The following GGA2 variants were observed in gnomAD, a reference collection of about 807,000 sequenced individuals.
GGA2 encodes the protein ADP-ribosylation factor-binding protein GGA2.
GGA2 carries 48 observed loss-of-function variants against 79.5 expected under a neutral mutation model. The observed-to-expected ratio is 0.60, with a 90% CI of 0.48 to 0.77. The LOEUF is 0.77. GGA2 is among the 30% of genes least tolerant of loss of function. The probability of loss-of-function intolerance (pLI) is 0.00; values close to 1 mark genes in which losing one functional copy is unlikely to be tolerated. For missense variants in GGA2, 770 were observed against 774.0 expected (o/e 0.99, Z 0.06); for synonymous variants, 317 against 302.0 (o/e 1.05, Z -0.51).
intron 5 of GGA2, 111 bp downstream of exon 5, chr16:23,491,566 T>C (rs1053388520): frequency 1.1e-4 from 88 of 801,734 alleles, no homozygotes; most frequent in African/African-American, 1.8e-5. Flanking sequence ...TCAGTGTCTA[T>C]GGTCCTACAT....
chr16:23,479,350 G>T (rs982154103), intron 11 of GGA2, among the ~76,000 whole-genome samples: 2 of 151,048 alleles, frequency 1.3e-5, no homozygotes, highest in Non-Finnish European at 2.9e-5. Flanking sequence ...GAGGGAACCA[G>T]CTCACTCCCC....
chr16:23,489,282 T>C (rs959142473), intron 5 of GGA2, among the ~76,000 whole-genome samples: 1 of 152,182 alleles, frequency 6.6e-6, no homozygotes, highest in Non-Finnish European at 1.5e-5. Context: ...TCTCCCAGGC[T>C]AGAATGCAGT....
chr16:23,511,050 T>TGTGTGTGTGTGTGTGTGTGTGTGTGTG (rs57500272), upstream of GGA2, among the ~76,000 whole-genome samples: 2 of 149,396 alleles, frequency 1.3e-5, no homozygotes, highest in African/African-American at 2.5e-5. Context: ...TGTGTGTGTG[T>TGTGTGTGTGTGTGTGTGTGTGTGTGTG]TAGAGACTGG....
chr16:23,492,012 C>T (rs1453489733), intron 4 of GGA2, among the ~76,000 whole-genome samples: 2 of 152,162 alleles, frequency 1.3e-5, no homozygotes, highest in Admixed American at 1.3e-4. Flanking sequence ...CACACTAAAC[C>T]CCACCATGCA....
At chr16:23,472,280 G>C (rs1046506423) in intron 14 of GGA2, among the ~76,000 whole-genome samples, 1 of 129,960 alleles carries the variant, frequency 7.7e-6, no homozygotes, top group African/African-American at 2.9e-5. Context: ...TGCAACCTCC[G>C]CCTCCCAGGT....
upstream of GGA2, among the ~76,000 whole-genome samples, chr16:23,513,328 G>A (rs147085101): frequency 6.6e-6 from 1 of 152,194 alleles, no homozygotes; most frequent in East Asian, 1.9e-4. Context: ...AAGGTTCTCT[G>A]ACCTCCTGCC....
At chr16:23,519,665 GAC>G in intron 1 of GGA2, 1 of 405,962 alleles carries the variant, frequency 2.5e-6, no homozygotes, top group African/African-American at 2.1e-5. Flanking sequence ...AAGGGGAGCA[GAC>G]ACACAGAGGG....
chr16:23,515,857 C>T (rs552829819), intron 2 of GGA2, among the ~76,000 whole-genome samples: 1 of 152,236 alleles, frequency 6.6e-6, no homozygotes, highest in Non-Finnish European at 1.5e-5. Context: ...ATTTTTTCTA[C>T]AGACAGAGTC....
At chr16:23,516,951 T>G (rs1965106812) in intron 2 of GGA2, among the ~76,000 whole-genome samples, 1 of 151,146 alleles carries the variant, frequency 6.6e-6, no homozygotes, top group Non-Finnish European at 1.5e-5. Context: ...GCAGATGCTG[T>G]GGCCAGGAGG....
At chr16:23,478,267 C>A (rs530247137) in intron 13 of GGA2, 101 bp downstream of exon 13, 1 of 756,190 alleles carries the variant, frequency 1.3e-6, no homozygotes, top group Non-Finnish European at 2.0e-6. Context: ...TTCTCCAGGG[C>A]GAGAGGCTGT....
chr16:23,470,344 T>A (rs1596974506), intron 14 of GGA2, among the ~76,000 whole-genome samples, 179 bp from the exon 15 acceptor site: 1 of 152,312 alleles, frequency 6.6e-6, no homozygotes, highest in East Asian at 1.9e-4. Context: ...GCTGGACTCC[T>A]ATGACCCTCC....
Position 23,465,056 on chromosome 16 carries a change from G to T in GGA2, c.*2534C>A. On this transcript the variant is annotated 3_prime_UTR_variant, in exon 17 of 17. Transcript: ENST00000309859. ...ATACTGGAAAGCACTGGCCATGAGT[G>T]CCAGATCTCCAGCACACACATCATG... 2 of 502,038 alleles carry T rather than the reference G, an allele frequency of 4.0e-6. No homozygotes were observed. The highest frequency in any genetic ancestry group is 7.1e-6 in the Non-Finnish European group (2 of 280,016). 31.1% of individuals were successfully genotyped at this position (502,038 alleles called of 1,614,324 possible).
At chr16:23,515,339 G>A (rs1229984535), upstream of GGA2, among the ~76,000 whole-genome samples, 2 of 151,674 alleles carry the variant, frequency 1.3e-5, no homozygotes, top group Admixed American at 6.6e-5. Context: ...GCTCACGCCT[G>A]TAATCCCAGC....
chr16:23,501,005 T>C (rs1964915752), intron 1 of GGA2: 1 of 333,422 alleles, frequency 3.0e-6, no homozygotes, highest in South Asian at 2.5e-5. Context: ...AGCCTGATCT[T>C]TGACACACAT....
At chr16:23,522,882 C>T (rs550430030), upstream of GGA2, 13 of 152,254 alleles carry the variant, frequency 8.5e-5, no homozygotes, top group South Asian at 6.2e-4. Context: ...ATTGAAGGAC[C>T]AGCTTTCAAG....
chr16:23,499,145 CTT>C (rs34195789), intron 1 of GGA2, among the ~76,000 whole-genome samples: 5 of 134,598 alleles, frequency 3.7e-5, no homozygotes, highest in Admixed American at 7.6e-5. Context: ...CGGGCACCAC[CTT>C]TTTTTTTTTT....
intron 2 of GGA2, among the ~76,000 whole-genome samples, chr16:23,495,015 G>A (rs1330812625): frequency 1.3e-5 from 2 of 152,012 alleles, no homozygotes; most frequent in Non-Finnish European, 1.5e-5. Flanking sequence ...AACCCGGGAG[G>A]TGGAGGTTGC....
In GGA2 at chr16:23,472,524, G is replaced by A. The variant is rs9745351; in HGVS notation, c.1451-2359C>T. Among the ~76,000 whole-genome samples the A allele has an allele frequency of 5.6e-3, 842 of 151,324 alleles. 4 individuals carry two copies. The highest frequency in any genetic ancestry group is 0.019 in the African/African-American group (779 of 41,332). ...GTAGCCCTGTTTTTAACAGCAAACA[G>A]GTAGAAAGAAATTGACCTTCAGAGA... On this transcript the variant is annotated intron_variant, in intron 14 of 16. Transcript: ENST00000309859.
chr16:23,486,036 C>G lies in GGA2; in HGVS notation c.777G>C (p.Pro259=). The change falls in exon 8 of 17, where the codon CCG becomes CCC. Residue 259 remains proline, a synonymous_variant. Coordinates refer to ENST00000309859, the MANE Select transcript of GGA2 (RefSeq NM_015044.4). ...TTACCTGCAGGGCCTCCTGGTCGGG[C>G]GGGGCCTGCCCTGGCCTGCGGTACA... ...LSMYRRPGQA[P]PDQEALQVVY... The G allele has an allele frequency of 6.2e-7, 1 of 1,614,096 alleles. No homozygotes were observed. Among genetic ancestry groups the G allele is most frequent in the East Asian group, 2.2e-5 (1 of 44,878 alleles).
Sources: gnomAD v4.1 joint callset for allele counts (sites outside exome capture counted in the v4.1 genomes callset) on GRCh38, gnomAD v4.1.1 for gene constraint, MANE v1.5 for transcripts, NCBI Gene and HGNC (gene_info 2026-07-23, HGNC 2026-07-21) for gene names.